The following TRPV4 variants were observed in gnomAD, a reference collection of about 807,000 sequenced individuals.
The protein encoded by TRPV4 is OSM9-like transient receptor potential channel 4.
TRPV4 carries 58 observed loss-of-function variants against 84.1 expected under a neutral mutation model. That is an observed-to-expected ratio of 0.69 (90% CI 0.56 to 0.86). TRPV4 has a LOEUF of 0.86. Ranked by LOEUF, TRPV4 falls within the 40% of genes least tolerant of loss-of-function variation. The pLI, the probability that TRPV4 is intolerant of heterozygous loss-of-function variation, is 0.00. For missense variants in TRPV4, 879 were observed against 1,181.1 expected (o/e 0.74, Z 3.75); for synonymous variants, 489 against 500.9 (o/e 0.98, Z 0.32).
At chr12:109,788,949 ATC>A (rs747965800) in intron 12 of TRPV4, among the ~76,000 whole-genome samples, 10 of 151,070 alleles carry the variant, frequency 6.6e-5, no homozygotes, top group Non-Finnish European at 5.9e-5. Flanking sequence ...GGAAGAGGTT[ATC>A]TCTCTCTCTC....
Position 109,783,621 on chromosome 12 carries a change from C to T in TRPV4, c.2616G>A (p.Ter872=). Reference sequence around the variant, plus strand: ...AGAAGCTGGGGCTGGGCTGCAGTCCCTAGAGCGGGGCGTCATCAGTCCTCC... The same window carrying T: ...AGAAGCTGGGGCTGGGCTGCAGTCCTTAGAGCGGGGCGTCATCAGTCCTCC... The part of the protein sequence containing the change: ...RKWRTDDAPL[*] The change falls in exon 16 of 16, where the codon TAG becomes TAA. Residue 872 remains the stop codon, a stop_retained_variant. Transcript: ENST00000261740. This position sits in a 1 kb window ranked among gnomAD's most constrained non-coding sequence, Gnocchi z 4.6. 1 of 1,613,200 alleles carries T rather than the reference C, an allele frequency of 6.2e-7. No individual in the cohort carries two copies. The highest frequency in any genetic ancestry group is 1.1e-5 in the South Asian group (1 of 91,024).
chr12:109,812,232 G>T (rs2136640520), intron 2 of TRPV4, among the ~76,000 whole-genome samples: 1 of 152,308 alleles, frequency 6.6e-6, no homozygotes, highest in South Asian at 2.1e-4. Flanking sequence ...CAGACAAGGT[G>T]GTCAAGGGGG....
rs564663557 is a variant in TRPV4 at position 109,793,659 on chromosome 12, G to A, written c.1585-59C>T. 396 of 1,396,344 alleles carry A rather than the reference G, an allele frequency of 2.8e-4. 1 individual carries two copies. Among genetic ancestry groups the A allele is most frequent in the Non-Finnish European group, 3.9e-4 (383 of 982,256 alleles). The allele number at this position is 1,396,344 out of a possible 1,614,324, so 86.5% of individuals were successfully genotyped here. ...GGGCCAGCAGGAGAGGAGAGGAGGAGAGAGGAGACAGAGAAAGGGATAGAA... is the reference window on the plus strand; with the variant it reads ...GGGCCAGCAGGAGAGGAGAGGAGGAAAGAGGAGACAGAGAAAGGGATAGAA... On this transcript the variant is annotated intron_variant, in intron 9 of 15. Coordinates refer to ENST00000261740, the MANE Select transcript of TRPV4 (RefSeq NM_021625.5). The surrounding 1 kb of genome is among the most constrained non-coding windows in gnomAD (Gnocchi z 4.0).
intron 1 of TRPV4, among the ~76,000 whole-genome samples, chr12:109,828,721 G>A (rs1323169348): frequency 4.6e-5 from 7 of 152,308 alleles, no homozygotes; most frequent in Non-Finnish European, 7.4e-5. Flanking sequence ...TGGGCTTTTC[G>A]TGGACCCAAG....
At chr12:109,830,514 G>T (rs1029802677) in intron 1 of TRPV4, among the ~76,000 whole-genome samples, 2 of 152,190 alleles carry the variant, frequency 1.3e-5, no homozygotes, top group East Asian at 1.9e-4. Flanking sequence ...TATCTCAAGA[G>T]ATCGGAATTA....
chr12:109,822,049 G>C (rs1292842822), intron 1 of TRPV4, among the ~76,000 whole-genome samples: 2 of 152,118 alleles, frequency 1.3e-5, no homozygotes, highest in Non-Finnish European at 2.9e-5. Context: ...CTGATGGGGA[G>C]GGGGAAAGGC....
intron 2 of TRPV4, 34 bp from the exon 3 acceptor site, chr12:109,808,502 G>C: frequency 6.3e-7 from 1 of 1,595,982 alleles, no homozygotes; most frequent in Non-Finnish European, 8.6e-7. Context: ...TGATGGGAGG[G>C]CTCATCCCCT....
At chr12:109,831,528 A>T (rs1364777765) in intron 1 of TRPV4, among the ~76,000 whole-genome samples, 1 of 152,266 alleles carries the variant, frequency 6.6e-6, no homozygotes, top group African/African-American at 2.4e-5. Flanking sequence ...GATTGGAAGC[A>T]TCTCACTGCT....
chr12:109,802,614 A>ATTTTAT (rs1555208530), intron 4 of TRPV4, among the ~76,000 whole-genome samples: 3 of 103,538 alleles, frequency 2.9e-5, no homozygotes, highest in Non-Finnish European at 5.5e-5. Flanking sequence ...CTTTTATTTT[A>ATTTTAT]TTTTTTTTTT....
At position 109,783,852 on chromosome 12, in the gene TRPV4, G is replaced by T. The variant is rs1889509907; in HGVS notation, c.2459-74C>A. On this transcript the variant is annotated intron_variant, in intron 15 of 15. Transcript: ENST00000261740. The surrounding 1 kb of genome is among the most constrained non-coding windows in gnomAD (Gnocchi z 4.6). ...AGCGTGCGTATATTGAGTGCCTACT[G>T]TGTACTGGGCACTCCACAGTGTTCT... 1.3e-6 allele frequency: 2 copies of T among 1,537,704 alleles called. No homozygotes were observed. The highest frequency in any genetic ancestry group is 4.5e-5 in the East Asian group (2 of 44,534).
At chr12:109,823,186 G>C (rs1350873326) in intron 1 of TRPV4, among the ~76,000 whole-genome samples, 1 of 152,198 alleles carries the variant, frequency 6.6e-6, no homozygotes, top group Non-Finnish European at 1.5e-5. Flanking sequence ...CACCTTCCCT[G>C]GCCAGCCTGT....
At position 109,798,728 on chromosome 12, in the gene TRPV4, G is replaced by A. The variant is rs750086412; in HGVS notation, c.1038C>T (p.Tyr346=). 23 of 1,614,100 alleles carry A rather than the reference G, an allele frequency of 1.4e-5. 1 individual carries two copies. The Middle Eastern group carries it at 6.6e-4, about 46-fold the overall frequency. ...GGGCACACTTGAGCAGCAGCAGGTC[G>A]TACATCTTGGTAACAAACTTGGTGT... ...RENTKFVTKM[Y]DLLLLKCARL... is the part of the protein sequence containing the mutation. The change falls in exon 6 of 16, where the codon TAC becomes TAT. Residue 346 remains tyrosine, a synonymous_variant. Transcript: ENST00000261740. This position sits in a 1 kb window ranked among gnomAD's most constrained non-coding sequence, Gnocchi z 5.0.
At chr12:109,817,899 C>T (rs1891930473) in intron 1 of TRPV4, among the ~76,000 whole-genome samples, 1 of 152,228 alleles carries the variant, frequency 6.6e-6, no homozygotes, top group Non-Finnish European at 1.5e-5. Flanking sequence ...CACTAAACAT[C>T]CTCCAAAGCA....
chr12:109,816,547 G>A (rs1891853832), intron 1 of TRPV4, among the ~76,000 whole-genome samples: 1 of 152,200 alleles, frequency 6.6e-6, no homozygotes, highest in Non-Finnish European at 1.5e-5. Flanking sequence ...GGAGGCCGAG[G>A]CGGGTGGATC....
chr12:109,808,417 G>A lies in TRPV4; in HGVS notation c.438C>T (p.Leu146=). Residue 146 remains leucine (L), a synonymous_variant, in exon 3 of 16, where the codon CTC becomes CTT. Transcript: ENST00000261740. ...KAPAPQPPPI[L]KVFNRPILFD... is the part of the protein sequence containing the mutation. ...AGAGGATAGGCCGGTTGAAGACTTT[G>A]AGGATGGGGGGCGGCTGAGGGGCAG... is the stretch of plus-strand genomic sequence containing the variant. 1.2e-6 allele frequency: 2 copies of A among 1,614,154 alleles called. No individual in the cohort carries two copies. The highest frequency in any genetic ancestry group is 1.1e-5 in the South Asian group (1 of 91,082).
At position 109,791,780 on chromosome 12, in the gene TRPV4, G is replaced by A. The variant is rs540969303; in HGVS notation, c.1891+583C>T. Among the ~76,000 whole-genome samples the A allele has an allele frequency of 8.6e-5, 13 of 151,348 alleles. No homozygotes were observed. The South Asian group carries it at 1.1e-3, about 12-fold the overall frequency. ...ATTACAGATGTGAGCCACTGCGCCC[G>A]GCCACCATTCACTGGCTTTTGAACT... On this transcript the variant is annotated intron_variant, in intron 12 of 15. Coordinates refer to ENST00000261740, the MANE Select transcript of TRPV4 (RefSeq NM_021625.5).
At chr12:109,797,926 G>A (rs891940844) in intron 6 of TRPV4, among the ~76,000 whole-genome samples, 2 of 152,178 alleles carry the variant, frequency 1.3e-5, no homozygotes, top group Admixed American at 1.3e-4. Flanking sequence ...GGAAACTGAG[G>A]CACAGAAAAG....
intron 6 of TRPV4, among the ~76,000 whole-genome samples, chr12:109,797,140 G>T (rs769043102): frequency 3.4e-4 from 52 of 152,208 alleles, no homozygotes; most frequent in Non-Finnish European, 6.2e-4. Context: ...CCAAGGTCAG[G>T]CAATGTTAGG....
At chr12:109,832,728 G>GC (rs1372386856) in intron 1 of TRPV4, 1 of 152,446 alleles carries the variant, frequency 6.6e-6, no homozygotes, top group Non-Finnish European at 1.5e-5. Flanking sequence ...CTCGATGAAT[G>GC]CATCTGTGGT....
Sources: gnomAD v4.1 joint callset for allele counts (sites outside exome capture counted in the v4.1 genomes callset) on GRCh38, gnomAD v4.1.1 for gene constraint, Gnocchi (gnomAD v3.1) non-coding constraint, MANE v1.5 for transcripts, NCBI Gene and HGNC (gene_info 2026-07-23, HGNC 2026-07-21) for gene names.